AGBL1: variants seen among roughly 807,000 people sequenced by gnomAD.
AGBL1 encodes AGBL carboxypeptidase 1.
A neutral mutation model predicts 118.9 loss-of-function variants in AGBL1; 130 were observed. That is an observed-to-expected ratio of 1.09 (90% confidence interval 0.95 to 1.26). The LOEUF is 1.26. Ranked by LOEUF, AGBL1 falls within the 50% of genes most tolerant of loss-of-function variation. The pLI is 0.00. For missense variants in AGBL1, 1,584 were observed against 1,298.1 expected, an observed-to-expected ratio of 1.22 and a Z score of -3.38; for synonymous variants, 555 against 478.9, an observed-to-expected ratio of 1.16 and a Z score of -2.08.
At chr15:86,806,462 G>A (rs887279312) in intron 22 of AGBL1, among the ~76,000 whole-genome samples, 5 of 152,162 alleles carry the variant, frequency 3.3e-5, no homozygotes, top group Admixed American at 3.3e-4. Context: ...TCTGGGCCTG[G>A]AAATCTCAGG....
chr15:86,327,636 T>C (rs1051953565), intron 17 of AGBL1, among the ~76,000 whole-genome samples: 10 of 152,252 alleles, frequency 6.6e-5, no homozygotes, highest in Non-Finnish European at 1.5e-4. Flanking sequence ...CAGCTGCTTT[T>C]TCTATACACG....
At chr15:86,630,593 A>G (rs1376380929) in intron 21 of AGBL1, 1 of 152,244 alleles carries the variant, frequency 6.6e-6, no homozygotes, top group African/African-American at 2.4e-5. Flanking sequence ...CTGCTGGTCC[A>G]TGAGCCACTC....
intron 5 of AGBL1, among the ~76,000 whole-genome samples, chr15:86,184,983 G>A (rs983265243): frequency 3.3e-5 from 5 of 152,110 alleles, no homozygotes; most frequent in African/African-American, 7.2e-5. Flanking sequence ...GCAACCTACA[G>A]AATGGGAGAA....
rs1429183280 is a variant in AGBL1 at position 86,216,679 on chromosome 15, A to G, written c.489-8235A>G. On this transcript the variant is annotated intron_variant, in intron 5 of 22. Transcript: ENST00000614907. ...TTTAGTTTGCTCCACATGGCTTTCT[A>G]CTGGTCTCTGGCTTCTACTCTTGTC... 7.2e-5 allele frequency among the ~76,000 whole-genome samples: 11 copies of G among 152,106 alleles called. No individual in the cohort carries two copies. The East Asian group carries it at 1.9e-3, about 27-fold the overall frequency.
intron 22 of AGBL1, among the ~76,000 whole-genome samples, chr15:86,705,091 C>T (rs1047392100): frequency 6.6e-6 from 1 of 152,066 alleles, no homozygotes; most frequent in Non-Finnish European, 1.5e-5. Context: ...AAAGAGAACA[C>T]ATGGACACAG....
intron 21 of AGBL1, among the ~76,000 whole-genome samples, chr15:86,597,530 T>A (rs1365816610): frequency 6.6e-6 from 1 of 152,082 alleles, no homozygotes; most frequent in Non-Finnish European, 1.5e-5. Flanking sequence ...GTATAAGACA[T>A]CTCTTGCCAT....
chr15:86,677,124 CT>C (rs1018041588), intron 22 of AGBL1, among the ~76,000 whole-genome samples: 4 of 152,150 alleles, frequency 2.6e-5, no homozygotes, highest in African/African-American at 9.7e-5. Flanking sequence ...CAAAGTGTGG[CT>C]GCACACTGTG....
At chr15:86,702,913 C>T (rs2086385126) in intron 22 of AGBL1, among the ~76,000 whole-genome samples, 1 of 152,052 alleles carries the variant, frequency 6.6e-6, no homozygotes, top group East Asian at 1.9e-4. Context: ...TTCAAGGAAG[C>T]AAGTGTAGAT....
chr15:86,590,077 A>G (rs1412610514), intron 21 of AGBL1, among the ~76,000 whole-genome samples: 3 of 152,216 alleles, frequency 2.0e-5, no homozygotes, highest in Non-Finnish European at 4.4e-5. Context: ...GGAGAACCAC[A>G]GAGTGATTGG....
intron 21 of AGBL1, among the ~76,000 whole-genome samples, chr15:86,586,172 T>C (rs1270232194): frequency 6.6e-6 from 1 of 152,212 alleles, no homozygotes; most frequent in Non-Finnish European, 1.5e-5. Context: ...CCCCTCTCTC[T>C]TGCTTACTCT....
At chr15:86,225,034 T>A in intron 6 of AGBL1, 83 bp downstream of exon 6, 7 of 240,156 alleles carry the variant, frequency 2.9e-5, no homozygotes, top group East Asian at 1.9e-4. Context: ...TGGCTGTTTC[T>A]TTTTTTTTTT....
rs536198831 is a variant in AGBL1, at chr15:86,449,374, C to G, written c.2555+51828C>G. ...AAAAATCCAAGGCAACTCATACTGG[C>G]TGTCTTTCAAGTGGGTTATGAGATC... On this transcript the variant is annotated intron_variant, in intron 18 of 22. Transcript: ENST00000614907. 4.3e-4 allele frequency among the ~76,000 whole-genome samples: 65 copies of G among 152,310 alleles called. No individual in the cohort carries two copies. In the South Asian group the frequency reaches 0.013, roughly 30 times the overall value.
At chr15:86,987,727 C>A (rs1165825165) in intron 23 of AGBL1, among the ~76,000 whole-genome samples, 1 of 152,072 alleles carries the variant, frequency 6.6e-6, no homozygotes, top group Non-Finnish European at 1.5e-5. Context: ...ACATTCCTGA[C>A]AATGATAGTC....
At chr15:86,920,316 A>G (rs771860718), downstream of AGBL1, among the ~76,000 whole-genome samples, 8 of 152,208 alleles carry the variant, frequency 5.3e-5, no homozygotes, top group Non-Finnish European at 8.8e-5. Context: ...CAAAGCCAAC[A>G]AAGTGGATTT....
intron 22 of AGBL1, among the ~76,000 whole-genome samples, chr15:86,758,844 A>G (rs960448168): frequency 2.0e-5 from 3 of 151,604 alleles, no homozygotes; most frequent in Non-Finnish European, 2.9e-5. Context: ...ATGGTGGTAC[A>G]TGCCTGGAGT....
chr15:86,364,517 G>C (rs2141928179), intron 17 of AGBL1, among the ~76,000 whole-genome samples: 1 of 152,152 alleles, frequency 6.6e-6, no homozygotes, highest in East Asian at 1.9e-4. Context: ...GTCCACCATT[G>C]ACTGCTGCCC....
At chr15:86,956,217 TTAGATAGA>T (rs57241299) in intron 23 of AGBL1, among the ~76,000 whole-genome samples, 8,913 of 147,636 alleles carry the variant, frequency 0.06, 353 homozygotes, top group African/African-American at 0.11. Flanking sequence ...AGATGATTGA[TTAGATAGA>T]TAGATAGATA....
intron 23 of AGBL1, among the ~76,000 whole-genome samples, chr15:86,952,134 G>GGCAGGAGAATCACTTGAAA: frequency 6.6e-6 from 1 of 151,990 alleles, no homozygotes; most frequent in East Asian, 1.9e-4. Flanking sequence ...CAGAGGCTGA[G>GGCAGGAGAATCACTTGAAA]GCAGGAGAAT....
chr15:86,753,268 C>G (rs1443668650), intron 22 of AGBL1, among the ~76,000 whole-genome samples: 1 of 152,012 alleles, frequency 6.6e-6, no homozygotes, highest in Non-Finnish European at 1.5e-5. Flanking sequence ...GCCAAGGACT[C>G]TGACCAATGA....
Sources: allele counts gnomAD v4.1 joint callset (sites outside exome capture counted in the v4.1 genomes callset), GRCh38; gene constraint gnomAD v4.1.1; transcripts MANE v1.5; gene names NCBI Gene and HGNC (gene_info 2026-07-23, HGNC 2026-07-21).